The following CTNNA2 variants were observed in gnomAD, a reference collection of about 807,000 sequenced individuals.
CTNNA2 encodes the protein catenin alpha-2.
A neutral mutation model predicts 101.0 loss-of-function variants in CTNNA2; 42 were observed. The ratio of observed to expected loss-of-function variants is 0.42; its 90% CI spans 0.32 to 0.54. CTNNA2 has a LOEUF of 0.54. Among genes scored for constraint, CTNNA2 ranks in the 20% least tolerant of loss-of-function variants. The probability of loss-of-function intolerance (pLI) is 0.14; values close to 1 mark genes in which losing one functional copy is unlikely to be tolerated. For synonymous variants in CTNNA2, 450 were observed against 456.4 expected (o/e 0.99, Z 0.18); for missense variants, 871 against 1,223.1 (o/e 0.71, Z 4.29).
chr2:80,181,536 T>C (rs181070697), intron 7 of CTNNA2, among the ~76,000 whole-genome samples: 38 of 152,270 alleles, frequency 2.5e-4, no homozygotes, highest in African/African-American at 8.9e-4. Context: ...CAAGAGCTTG[T>C]GTCTGATTTT....
At chr2:80,233,908 T>C (rs944366903) in intron 7 of CTNNA2, among the ~76,000 whole-genome samples, 1 of 152,196 alleles carries the variant, frequency 6.6e-6, no homozygotes, top group Non-Finnish European at 1.5e-5. Flanking sequence ...TAGGAGGCTA[T>C]ATCTAGTTCT....
chr2:79,918,079 G>T (rs1353569948), intron 7 of CTNNA2, among the ~76,000 whole-genome samples: 2 of 148,060 alleles, frequency 1.4e-5, no homozygotes, highest in African/African-American at 5.1e-5. Flanking sequence ...GCTCCCTGTT[G>T]CCTTCATTGC....
At chr2:80,113,191 A>T (rs1468903155) in intron 7 of CTNNA2, among the ~76,000 whole-genome samples, 1 of 152,170 alleles carries the variant, frequency 6.6e-6, no homozygotes, top group African/African-American at 2.4e-5. Flanking sequence ...AAATCTGGAG[A>T]TGTAGGCTTT....
At chr2:80,306,450 T>TTCTTTCTTTCTC (rs1553488063) in intron 7 of CTNNA2, among the ~76,000 whole-genome samples, 28 of 125,020 alleles carry the variant, frequency 2.2e-4, no homozygotes, top group Admixed American at 8.5e-4. Context: ...CTTTCTTTCT[T>TTCTTTCTTTCTC]TCTCTCTCTC....
At chr2:80,615,238 T>C (rs1424571558) in intron 17 of CTNNA2, among the ~76,000 whole-genome samples, 3 of 151,600 alleles carry the variant, frequency 2.0e-5, no homozygotes, top group African/African-American at 7.2e-5. Flanking sequence ...CTGGATTTGA[T>C]AACATTTTGA....
chr2:79,778,317 C>G (rs1227797086), intron 3 of CTNNA2, among the ~76,000 whole-genome samples: 1 of 151,620 alleles, frequency 6.6e-6, no homozygotes, highest in Non-Finnish European at 1.5e-5. Flanking sequence ...TGCACTCCAG[C>G]TTGGGCTACA....
chr2:79,894,191 C>T (rs1684533266), intron 6 of CTNNA2, among the ~76,000 whole-genome samples: 1 of 151,906 alleles, frequency 6.6e-6, no homozygotes, highest in Non-Finnish European at 1.5e-5. Flanking sequence ...CTTTTCTCTC[C>T]AGTTAACCTT....
intron 3 of CTNNA2, among the ~76,000 whole-genome samples, chr2:79,322,126 G>A (rs1347307): frequency 0.047 from 7,102 of 152,240 alleles, 432 homozygotes; most frequent in African/African-American, 0.13. Flanking sequence ...TTATAGGCAA[G>A]AGCTATCCTG....
In CTNNA2 at chr2:80,444,667, G is replaced by A. The variant is rs568905285; in HGVS notation, c.1290+25066G>A. On this transcript the variant is annotated intron_variant, in intron 9 of 18. Transcript: ENST00000402739. ...GTTTAGATGAGGTCATGAGGGTGGG[G>A]CACCTATGATGTGATTAGCGTCCTT... Among the ~76,000 whole-genome samples the A allele has an allele frequency of 1.9e-4, 29 of 152,282 alleles. 1 individual carries two copies. In the South Asian group the frequency reaches 5.0e-3, roughly 26 times the overall value.
chr2:80,102,637 T>A (rs1194415486), intron 7 of CTNNA2, among the ~76,000 whole-genome samples: 1 of 152,128 alleles, frequency 6.6e-6, no homozygotes, highest in Non-Finnish European at 1.5e-5. Flanking sequence ...CTCAGCCTCC[T>A]GAGTAGTTGG....
intron 2 of CTNNA2, among the ~76,000 whole-genome samples, chr2:79,690,492 T>C (rs574882574): frequency 1.3e-5 from 2 of 152,176 alleles, no homozygotes; most frequent in South Asian, 2.1e-4. Context: ...GGCCACATAG[T>C]ATTCCGTAGT....
In CTNNA2 at chr2:79,832,882, T is replaced by C. The variant is rs185252633; in HGVS notation, c.299-25131T>C. ...CAGTTCTCCTTCGACCATTGTGTTT[T>C]TACTATTCTCGTAAATTTTAAACCT... On this transcript the variant is annotated intron_variant, in intron 3 of 18. Coordinates refer to ENST00000402739, the MANE Select transcript of CTNNA2 (RefSeq NM_001282597.3). 2.0e-3 allele frequency among the ~76,000 whole-genome samples: 301 copies of C among 152,344 alleles called. 1 individual carries two copies. The highest frequency in any genetic ancestry group is 7.0e-3 in the African/African-American group (292 of 41,570).
chr2:79,675,045 C>T (rs1203399275), intron 2 of CTNNA2, among the ~76,000 whole-genome samples: 1 of 152,100 alleles, frequency 6.6e-6, no homozygotes, highest in Non-Finnish European at 1.5e-5. Flanking sequence ...AAATCAGAGG[C>T]TGAGATATTA....
chr2:79,243,202 G>A (rs1471548650), intron 2 of CTNNA2, among the ~76,000 whole-genome samples: 1 of 152,082 alleles, frequency 6.6e-6, no homozygotes, highest in East Asian at 1.9e-4. Context: ...CAGGGAAGCT[G>A]ACTGTAGGTG....
At chr2:79,210,515 A>G (rs76574822) in intron 2 of CTNNA2, among the ~76,000 whole-genome samples, 2,821 of 152,142 alleles carry the variant, frequency 0.019, 132 homozygotes, top group East Asian at 0.15. Flanking sequence ...AGAAGAGGAG[A>G]AAAACATTTA....
rs113369479 is a variant in CTNNA2, at chr2:80,530,999, G to A, written c.1291-13983G>A. 3.1e-3 allele frequency among the ~76,000 whole-genome samples: 474 copies of A among 152,316 alleles called. 4 individuals are homozygous for A. The highest frequency in any genetic ancestry group is 0.011 in the African/African-American group (447 of 41,574). On this transcript the variant is annotated intron_variant, in intron 9 of 18. Transcript: ENST00000402739. Reference sequence around the variant, plus strand: ...GAGCTCAGGTAAGATGGAGTGAACAGGTTTGAGGGGTTGAGCTTGGAAAGA... The same window carrying A: ...GAGCTCAGGTAAGATGGAGTGAACAAGTTTGAGGGGTTGAGCTTGGAAAGA...
chr2:79,298,110 T>C (rs1192262863), intron 2 of CTNNA2, among the ~76,000 whole-genome samples: 4 of 152,176 alleles, frequency 2.6e-5, no homozygotes, highest in African/African-American at 9.7e-5. Context: ...TAAAAAGACT[T>C]TTATTTGGCT....
chr2:79,713,975 A>G (rs1231681851), intron 2 of CTNNA2, among the ~76,000 whole-genome samples: 4 of 152,126 alleles, frequency 2.6e-5, no homozygotes, highest in Non-Finnish European at 5.9e-5. Flanking sequence ...ACGAACACAA[A>G]AAGCTCTCCC....
chr2:79,390,773 C>T (rs1447756976), intron 4 of CTNNA2, among the ~76,000 whole-genome samples: 1 of 152,090 alleles, frequency 6.6e-6, no homozygotes, highest in African/African-American at 2.4e-5. Flanking sequence ...TCCTTGTAAA[C>T]CATCAATAAT....
Sources: allele counts gnomAD v4.1 joint callset (sites outside exome capture counted in the v4.1 genomes callset), GRCh38; gene constraint gnomAD v4.1.1; transcripts MANE v1.5; gene names NCBI Gene and HGNC (gene_info 2026-07-23, HGNC 2026-07-21).